Variants in ASAP3 observed in about 807,000 individuals in gnomAD.
The protein encoded by ASAP3 is arf-GAP with SH3 domain, ANK repeat and PH domain-containing protein 3.
ASAP3 carries 85 observed loss-of-function variants against 118.2 expected under a neutral mutation model. The ratio of observed to expected loss-of-function variants is 0.72; its 90% CI spans 0.60 to 0.86. The LOEUF (loss-of-function observed/expected upper bound fraction) is 0.86, where lower values mean the gene tolerates loss of function less well. ASAP3 is among the 40% of genes least tolerant of loss of function. The probability of loss-of-function intolerance (pLI) is 0.00; values close to 1 mark genes in which losing one functional copy is unlikely to be tolerated. For synonymous variants in ASAP3, 432 were observed against 477.4 expected (o/e 0.90, Z 1.24); for missense variants, 1,026 against 1,175.0 (o/e 0.87, Z 1.85).
At chr1:23,466,009 G>T (rs1184918802) in intron 1 of ASAP3, among the ~76,000 whole-genome samples, 1 of 152,166 alleles carries the variant, frequency 6.6e-6, no homozygotes, top group Non-Finnish European at 1.5e-5. Context: ...GGGCACAGAG[G>T]GAGATCTGTC....
intron 1 of ASAP3, among the ~76,000 whole-genome samples, chr1:23,456,445 G>A (rs755979699): frequency 4.6e-5 from 7 of 152,154 alleles, no homozygotes; most frequent in Non-Finnish European, 7.3e-5. Flanking sequence ...CCAATGCAGC[G>A]TAAATGTAGT....
At chr1:23,482,422 T>G (rs370688967) in intron 1 of ASAP3, among the ~76,000 whole-genome samples, 11 of 152,066 alleles carry the variant, frequency 7.2e-5, no homozygotes, top group African/African-American at 2.7e-4. Context: ...CTTGGGAGGC[T>G]GAGGAATGAG....
intron 1 of ASAP3, 115 bp downstream of exon 1, chr1:23,483,890 G>T: frequency 1.8e-6 from 2 of 1,088,038 alleles, no homozygotes; most frequent in Non-Finnish European, 2.3e-6. Context: ...ACCTAGGGAG[G>T]GGGCAGGTTT....
chr1:23,462,497 G>A (rs1382000649), intron 1 of ASAP3, among the ~76,000 whole-genome samples: 1 of 151,390 alleles, frequency 6.6e-6, no homozygotes, highest in Non-Finnish European at 1.5e-5. Context: ...TCTCAGCCGG[G>A]CACAGTGGCT....
At chr1:23,474,823 T>A (rs936538982) in intron 1 of ASAP3, among the ~76,000 whole-genome samples, 4 of 152,126 alleles carry the variant, frequency 2.6e-5, no homozygotes, top group Admixed American at 2.0e-4. Flanking sequence ...CCTCAAGTGG[T>A]CCCCCTGCCT....
chr1:23,465,580 C>T (rs1440079179), intron 1 of ASAP3, among the ~76,000 whole-genome samples: 1 of 151,932 alleles, frequency 6.6e-6, no homozygotes, highest in African/African-American at 2.4e-5. Flanking sequence ...CAGCTCACTG[C>T]CACCTCTGCC....
In ASAP3 at chr1:23,441,256, G is replaced by A. The variant is rs757832608; in HGVS notation, c.835-45C>T. 5.6e-6 allele frequency: 9 copies of A among 1,610,022 alleles called. No individual in the cohort carries two copies. In the South Asian group the frequency reaches 8.8e-5, roughly 16 times the overall value. Reference sequence around the variant, plus strand: ...AGGAGACCTCAGGGCATCTCAGTGGGAAGAGCCCCATTCTGCGGGGGCTCA... The same window carrying A: ...AGGAGACCTCAGGGCATCTCAGTGGAAAGAGCCCCATTCTGCGGGGGCTCA... On this transcript the variant is annotated intron_variant, in intron 9 of 24. Coordinates refer to ENST00000336689, the MANE Select transcript of ASAP3 (RefSeq NM_017707.4).
At chr1:23,466,194 A>G (rs1257426129) in intron 1 of ASAP3, among the ~76,000 whole-genome samples, 1 of 152,242 alleles carries the variant, frequency 6.6e-6, no homozygotes, top group African/African-American at 2.4e-5. Context: ...GGACATTTCT[A>G]AGGAAGAACA....
intron 1 of ASAP3, among the ~76,000 whole-genome samples, chr1:23,479,068 G>A (rs1269284174): frequency 6.6e-6 from 1 of 152,156 alleles, no homozygotes; most frequent in East Asian, 1.9e-4. Flanking sequence ...TGAAACCAGG[G>A]GTGGAGACCC....
At chr1:23,475,110 G>A (rs1255299301) in intron 1 of ASAP3, among the ~76,000 whole-genome samples, 1 of 152,198 alleles carries the variant, frequency 6.6e-6, no homozygotes, top group African/African-American at 2.4e-5. Context: ...TTCACCTCCT[G>A]TGAAAGCTGA....
chr1:23,430,875 C>G (rs1269735708), intron 24 of ASAP3, among the ~76,000 whole-genome samples, 160 bp downstream of exon 24: 5 of 152,202 alleles, frequency 3.3e-5, no homozygotes, highest in African/African-American at 1.2e-4. Context: ...ACCGTGCCCA[C>G]CTGGGCACCA....
chr1:23,447,244 C>T (rs1215280324), intron 5 of ASAP3, among the ~76,000 whole-genome samples: 1 of 152,168 alleles, frequency 6.6e-6, no homozygotes, highest in African/African-American at 2.4e-5. Context: ...TCTTGGTTAT[C>T]AGATTAGCTG....
chr1:23,442,287 G>T lies in ASAP3; in HGVS notation c.586-16C>A. On this transcript the variant is annotated splice_polypyrimidine_tract_variant and intron_variant, in intron 6 of 24. Coordinates refer to ENST00000336689, the MANE Select transcript of ASAP3 (RefSeq NM_017707.4). Reference sequence around the variant, plus strand: ...TGAGCAGATACTAGGAGGAGGGCAGGGCAAGATACGTGATGTGAGCTGAAG... The same window carrying T: ...TGAGCAGATACTAGGAGGAGGGCAGTGCAAGATACGTGATGTGAGCTGAAG... 1.6e-5 allele frequency: 26 copies of T among 1,595,796 alleles called. No individual in the cohort carries two copies. The highest frequency in any genetic ancestry group is 2.2e-5 in the Non-Finnish European group (26 of 1,171,370).
At chr1:23,440,569 A>G (rs983314595) in intron 10 of ASAP3, among the ~76,000 whole-genome samples, 1 of 139,292 alleles carries the variant, frequency 7.2e-6, no homozygotes, top group Non-Finnish European at 1.5e-5. Flanking sequence ...AGTGTTAGCT[A>G]CTGCCAGCCG....
At chr1:23,475,451 A>T (rs1427722563) in intron 1 of ASAP3, among the ~76,000 whole-genome samples, 3 of 152,076 alleles carry the variant, frequency 2.0e-5, no homozygotes, top group Non-Finnish European at 4.4e-5. Context: ...TCAGCTCAGG[A>T]TGGTTTCTCT....
At chr1:23,481,606 C>A (rs1278278319) in intron 1 of ASAP3, among the ~76,000 whole-genome samples, 1 of 152,104 alleles carries the variant, frequency 6.6e-6, no homozygotes, top group Non-Finnish European at 1.5e-5. Context: ...GTGCACCAAA[C>A]CAAAAATCTG....
chr1:23,478,877 T>G (rs1248220366), intron 1 of ASAP3, among the ~76,000 whole-genome samples: 3 of 152,148 alleles, frequency 2.0e-5, no homozygotes, highest in African/African-American at 7.2e-5. Context: ...CAGAACAGGA[T>G]GGACACAGCA....
intron 1 of ASAP3, among the ~76,000 whole-genome samples, chr1:23,460,490 G>C (rs1457854130): frequency 8.0e-6 from 1 of 124,274 alleles, no homozygotes; most frequent in Non-Finnish European, 1.6e-5. Flanking sequence ...CCAGGTGACA[G>C]AGTGAGACTC....
At chr1:23,463,367 T>G (rs928617277) in intron 1 of ASAP3, among the ~76,000 whole-genome samples, 43 of 23,124 alleles carry the variant, frequency 1.9e-3, no homozygotes, top group Non-Finnish European at 0.012. Flanking sequence ...AAATGCAGGT[T>G]TTTTTTTTTA....
Sources: allele counts gnomAD v4.1 joint callset (sites outside exome capture counted in the v4.1 genomes callset), GRCh38; gene constraint gnomAD v4.1.1; transcripts MANE v1.5; gene names NCBI Gene and HGNC (gene_info 2026-07-23, HGNC 2026-07-21).